PTPRA: variants seen among roughly 807,000 people sequenced by gnomAD.
PTPRA encodes receptor-type tyrosine-protein phosphatase alpha.
PTPRA carries 25 observed loss-of-function variants against 104.8 expected under a neutral mutation model. The ratio of observed to expected loss-of-function variants is 0.24; its 90% CI spans 0.17 to 0.33. The LOEUF (loss-of-function observed/expected upper bound fraction) is 0.33. Among genes scored for constraint, PTPRA ranks in the 10% least tolerant of loss-of-function variants. The pLI, the probability that PTPRA is intolerant of heterozygous loss-of-function variation, is 1.00. For missense variants in PTPRA, 765 were observed against 1,015.3 expected, an observed-to-expected ratio of 0.75 and a Z score of 3.35; for synonymous variants, 323 against 368.9, an observed-to-expected ratio of 0.88 and a Z score of 1.43.
chr20:3,022,460 G>A lies in PTPRA; in HGVS notation c.1329-229G>A, dbSNP rs1387681798. Among the ~76,000 whole-genome samples the A allele has an allele frequency of 6.6e-6, 1 of 152,216 alleles. No homozygotes were observed. The highest frequency in any genetic ancestry group is 1.5e-5 in the Non-Finnish European group (1 of 68,038). ...GGGAGACCCTGCTATGAAGCCAAAAGACTGGGTCAAGTGCTGGCCATGTAT... is the reference window on the plus strand; with the variant it reads ...GGGAGACCCTGCTATGAAGCCAAAAAACTGGGTCAAGTGCTGGCCATGTAT... On this transcript the variant is annotated intron_variant, in intron 15 of 23. Transcript: ENST00000399903. The surrounding 1 kb of genome is among the most constrained non-coding windows in gnomAD (Gnocchi z 4.6).
At chr20:2,931,863 C>G (rs2060518851) in intron 2 of PTPRA, among the ~76,000 whole-genome samples, 1 of 152,140 alleles carries the variant, frequency 6.6e-6, no homozygotes, top group Admixed American at 6.5e-5. Context: ...GGACTACAGG[C>G]ATGCACCAAT....
chr20:3,027,004 A>G, intron 18 of PTPRA, 117 bp from the exon 19 acceptor site: 1 of 1,178,128 alleles, frequency 8.5e-7, no homozygotes, highest in South Asian at 1.3e-5. Context: ...AGCTAGGAAC[A>G]GACATGTCCT....
At chr20:2,884,681 C>A (rs893724797) in intron 1 of PTPRA, among the ~76,000 whole-genome samples, 1 of 151,952 alleles carries the variant, frequency 6.6e-6, no homozygotes, top group Non-Finnish European at 1.5e-5. Context: ...ATCAGATATA[C>A]GATCTGTAAA....
At chr20:2,922,426 C>T (rs2147363019) in intron 1 of PTPRA, among the ~76,000 whole-genome samples, 1 of 152,102 alleles carries the variant, frequency 6.6e-6, no homozygotes, top group South Asian at 2.1e-4. Context: ...TGCAACCTCC[C>T]CCTCCTGGGT....
intron 5 of PTPRA, among the ~76,000 whole-genome samples, chr20:2,974,667 T>C (rs555813431): frequency 7.9e-5 from 12 of 152,308 alleles, no homozygotes; most frequent in Non-Finnish European, 1.6e-4. Context: ...TGACCTCAGG[T>C]GATCCACTGC....
chr20:3,007,266 C>T lies in PTPRA; in HGVS notation c.830-78C>T, dbSNP rs2063920021. The T allele has an allele frequency of 2.2e-6, 3 of 1,391,032 alleles. No individual in the cohort carries two copies. The East Asian group carries it at 6.9e-5, about 32-fold the overall frequency. 86.2% of individuals were successfully genotyped at this position (1,391,032 alleles called of 1,614,324 possible). ...AGTCTGTGCACATAGGCACAGATGT[C>T]TCAACTGTCCTGGTTGCGTCAGGTT... On this transcript the variant is annotated intron_variant, in intron 10 of 23. Coordinates refer to ENST00000399903, the MANE Select transcript of PTPRA (RefSeq NM_001385305.1).
At chr20:2,983,990 C>G (rs2062798543) in intron 6 of PTPRA, among the ~76,000 whole-genome samples, 1 of 151,562 alleles carries the variant, frequency 6.6e-6, no homozygotes, top group Non-Finnish European at 1.5e-5. Context: ...GGAAGAGGAA[C>G]AGATAGTGAG....
chr20:2,907,386 A>G (rs1217885202), intron 1 of PTPRA, among the ~76,000 whole-genome samples: 2 of 152,174 alleles, frequency 1.3e-5, no homozygotes, highest in African/African-American at 4.8e-5. Context: ...AAGTCAGGTT[A>G]TTCAGCTTCT....
chr20:2,942,603 C>T (rs2060961633), intron 2 of PTPRA, among the ~76,000 whole-genome samples: 1 of 151,946 alleles, frequency 6.6e-6, no homozygotes, highest in South Asian at 2.1e-4. Context: ...AGGCTGACCT[C>T]CCCCAAGCAA....
At position 2,956,003 on chromosome 20, in the gene PTPRA, T is replaced by C. The variant is rs1471024995; in HGVS notation, c.-7+7979T>C. ...CCAAAACTGGTCATCCTCCAGCTTA[T>C]AGCATTGCAGTTCACTGAAGTTAGA... On this transcript the variant is annotated intron_variant, in intron 3 of 23. Transcript: ENST00000399903. Among the ~76,000 whole-genome samples, 9 of 152,322 alleles carry C rather than the reference T, an allele frequency of 5.9e-5. 1 individual carries two copies. Among genetic ancestry groups the C allele is most frequent in the African/African-American group, 2.2e-4 (9 of 41,590 alleles).
intron 1 of PTPRA, among the ~76,000 whole-genome samples, chr20:2,899,095 G>A (rs955190640): frequency 6.6e-6 from 1 of 152,130 alleles, no homozygotes; most frequent in African/African-American, 2.4e-5. Context: ...GTAGGCTGAG[G>A]CAGGCAAGGC....
In PTPRA at chr20:3,038,145, G is replaced by A. The variant is rs566949201; in HGVS notation, c.*12G>A. 23 of 1,597,146 alleles carry A rather than the reference G, an allele frequency of 1.4e-5. No individual in the cohort carries two copies. The highest frequency in any genetic ancestry group is 2.0e-5 in the Non-Finnish European group (23 of 1,164,778). On this transcript the variant is annotated 3_prime_UTR_variant, in exon 24 of 24. Transcript: ENST00000399903. ...CCAACTTCAAGTAAGCGGCAACAAGGGTCCGTGGACCAGGAGGATTGCCTT... is the reference window on the plus strand; with the variant it reads ...CCAACTTCAAGTAAGCGGCAACAAGAGTCCGTGGACCAGGAGGATTGCCTT...
intron 13 of PTPRA, among the ~76,000 whole-genome samples, chr20:3,019,966 C>G (rs1177372883): frequency 6.6e-6 from 1 of 151,896 alleles, no homozygotes; most frequent in African/African-American, 2.4e-5. Context: ...CGCAGGCACT[C>G]GGCAGGCTGA....
rs965551752 is a variant in PTPRA, at chr20:2,990,367, G to T, written c.738+1893G>T. ...TTGTCACATGCTCCTTCTTAAACCGGTCGTGAGCAAGGGAGAAAATAAGGT... is the reference window on the plus strand; with the variant it reads ...TTGTCACATGCTCCTTCTTAAACCGTTCGTGAGCAAGGGAGAAAATAAGGT... On this transcript the variant is annotated intron_variant, in intron 9 of 23. Coordinates refer to ENST00000399903, the MANE Select transcript of PTPRA (RefSeq NM_001385305.1). Among the ~76,000 whole-genome samples, 4 of 152,066 alleles carry T rather than the reference G, an allele frequency of 2.6e-5. No individual in the cohort carries two copies. The East Asian group carries it at 7.7e-4, about 29-fold the overall frequency.
At chr20:2,979,122 A>G (rs2062565377) in intron 6 of PTPRA, among the ~76,000 whole-genome samples, 1 of 152,180 alleles carries the variant, frequency 6.6e-6, no homozygotes, top group Non-Finnish European at 1.5e-5. Flanking sequence ...AGGAATTTGA[A>G]CTTCAGGTCT....
chr20:2,979,935 G>A (rs370900754), intron 6 of PTPRA, among the ~76,000 whole-genome samples: 2 of 151,900 alleles, frequency 1.3e-5, no homozygotes, highest in East Asian at 3.9e-4. Flanking sequence ...GTTTTGAGAC[G>A]GAGTTTTGCT....
At chr20:2,937,344 C>G (rs1360606529) in intron 2 of PTPRA, among the ~76,000 whole-genome samples, 2 of 151,940 alleles carry the variant, frequency 1.3e-5, no homozygotes, top group African/African-American at 2.4e-5. Context: ...AGGATGGTCT[C>G]GATTTCCTGA....
intron 3 of PTPRA, among the ~76,000 whole-genome samples, chr20:2,963,075 G>T (rs1404725299): frequency 2.0e-5 from 3 of 152,178 alleles, no homozygotes; most frequent in Non-Finnish European, 4.4e-5. Context: ...ACTATTACTG[G>T]TGGGGACATG....
At chr20:2,900,035 A>G (rs2059166781) in intron 1 of PTPRA, among the ~76,000 whole-genome samples, 1 of 152,130 alleles carries the variant, frequency 6.6e-6, no homozygotes. Flanking sequence ...GTTTGAACCC[A>G]GGAGGTGGGG....
Sources: gnomAD v4.1 joint callset for allele counts (sites outside exome capture counted in the v4.1 genomes callset) on GRCh38, gnomAD v4.1.1 for gene constraint, Gnocchi (gnomAD v3.1) non-coding constraint, MANE v1.5 for transcripts, NCBI Gene and HGNC (gene_info 2026-07-23, HGNC 2026-07-21) for gene names.